Variants in ZNF99 observed in about 807,000 individuals in gnomAD.
ZNF99 encodes the protein zinc finger protein ENSP00000375192.
Under a neutral mutation model 12.8 loss-of-function variants are expected in ZNF99, and 8 were observed. The ratio of observed to expected loss-of-function variants is 0.62; its 90% CI spans 0.37 to 1.13. ZNF99 has a LOEUF of 1.13. ZNF99 is among the 50% of genes most tolerant of loss of function. ZNF99 has a pLI of 0.02. For synonymous variants in ZNF99, 318 were observed against 319.0 expected, an observed-to-expected ratio of 1.00 and a Z score of 0.03; for missense variants, 1,007 against 1,006.2, an observed-to-expected ratio of 1.00 and a Z score of -0.01.
At chr19:22,769,799 C>G in intron 1 of ZNF99, 5 of 1,129,574 alleles carry the variant, frequency 4.4e-6, no homozygotes, top group Non-Finnish European at 5.7e-6. Flanking sequence ...AAGAAATATT[C>G]TCTAATGTAT....
At position 22,766,282 on chromosome 19, in the gene ZNF99, T is replaced by TAAA. The variant is rs35026292; in HGVS notation, c.226+2020_226+2022dup. Among the ~76,000 whole-genome samples, 217 of 131,328 alleles carry TAAA rather than the reference T, an allele frequency of 1.7e-3. 2 individuals carry two copies. Among genetic ancestry groups the TAAA allele is most frequent in the African/African-American group, 5.6e-3 (202 of 35,838 alleles). 86.2% of individuals were successfully genotyped at this position (131,328 alleles called of 152,430 possible). A position where few individuals can be genotyped will look rare whatever the true frequency, so the allele number is the denominator to read the frequency against. ...TAAACAAGAAATGAGACAAAATATG[T>TAAA]AAAAAAAAAAAAAACATAAAACATA... On this transcript the variant is annotated intron_variant, in intron 3 of 3. Coordinates refer to ENST00000596209, the MANE Select transcript of ZNF99 (RefSeq NM_001080409.3).
At position 22,758,688 on chromosome 19, in the gene ZNF99, C is replaced by T. The variant is rs756976562; in HGVS notation, c.1221G>A (p.Lys407=). The T allele has an allele frequency of 1.2e-6, 2 of 1,611,914 alleles. No homozygotes were observed. The highest frequency in any genetic ancestry group is 3.3e-5 in the Admixed American group (2 of 59,888). ...TATGTACAGTAAGTTTTGAGGACCA[C>T]TTAAAAGCTTTACCACATTCTTCAC... ...YKCEECGKAF[K]WSSKLTVHKV... Residue 407 remains lysine (K), a synonymous_variant, in exon 4 of 4, where the codon AAG becomes AAA. Coordinates refer to ENST00000596209, the MANE Select transcript of ZNF99 (RefSeq NM_001080409.3).
chr19:22,781,072 A>T (rs181123515), intron 1 of ZNF99, among the ~76,000 whole-genome samples: 49 of 152,366 alleles, frequency 3.2e-4, no homozygotes, highest in Admixed American at 5.9e-4. Context: ...AATTTTTAAC[A>T]AATGGAATAT....
chr19:22,757,445 A>G lies in ZNF99; in HGVS notation c.2464T>C (p.Cys822Arg). Residue 822 changes from cysteine to arginine, a missense_variant, in exon 4 of 4, where the codon TGT becomes CGT. Coordinates refer to ENST00000596209, the MANE Select transcript of ZNF99 (RefSeq NM_001080409.3). ...TGEKSYKCEECGKAFQWSSKL... is the reference protein window; with the variant it reads ...TGEKSYKCEERGKAFQWSSKL... The stretch of plus-strand genomic sequence containing the variant: ...GAGGACCACTGAAAAGCTTTACCAC[A>G]TTCTTCACATTTGTAGGATTTCTCT... 6.2e-7 allele frequency: 1 copy of G among 1,610,146 alleles called. No homozygotes were observed. The highest frequency in any genetic ancestry group is 1.1e-5 in the South Asian group (1 of 91,028).
chr19:22,768,381 T>C lies in ZNF99; in HGVS notation c.150A>G (p.Leu50=). 1 of 1,612,322 alleles carries C rather than the reference T, an allele frequency of 6.2e-7. No individual in the cohort carries two copies. Among genetic ancestry groups the C allele is most frequent in the Non-Finnish European group, 8.5e-7 (1 of 1,179,476 alleles). The change falls in exon 3 of 4, where the codon CTA becomes CTG. Residue 50 remains leucine (L), a synonymous_variant. Transcript: ENST00000596209. Reference sequence around the variant, plus strand: ...CTTGCTTCAGACAAGTTATCAAGTCTAGCTTAGAGACAGCGATACCTGTTT... The same window carrying C: ...CTTGCTTCAGACAAGTTATCAAGTCCAGCTTAGAGACAGCGATACCTGTTT... The part of the protein sequence containing the change: ...LVFLGIAVSK[L]DLITCLKQGK...
chr19:22,778,037 T>C (rs1973348360), intron 1 of ZNF99, among the ~76,000 whole-genome samples: 1 of 132,318 alleles, frequency 7.6e-6, no homozygotes, highest in African/African-American at 2.8e-5. Context: ...GGGGGAGGGA[T>C]AGCATTAGGA....
rs1274127856 is a variant in ZNF99, at chr19:22,758,418, A to G, written c.1491T>C (p.Thr497=). 3 of 1,603,936 alleles carry G rather than the reference A, an allele frequency of 1.9e-6. No individual in the cohort carries two copies. The highest frequency in any genetic ancestry group is 2.6e-6 in the Non-Finnish European group (3 of 1,173,676). ...GKAFKWSSKL[T]VHKVIHMEEK... ...CTTCCATATGAATTACCTTATGTAC[A>G]GTAAGTTTTGAGGACCACTTAAAAG... Residue 497 remains threonine (T), a synonymous_variant, in exon 4 of 4, where the codon ACT becomes ACC. Coordinates refer to ENST00000596209, the MANE Select transcript of ZNF99 (RefSeq NM_001080409.3).
rs370666035 is a variant in ZNF99 at position 22,768,304 on chromosome 19, C to T, written c.226+1G>A. 4.3e-6 allele frequency: 7 copies of T among 1,613,680 alleles called. No individual in the cohort carries two copies. In the African/African-American group the frequency reaches 6.7e-5, roughly 15 times the overall value. ...TGTTTCTTGTATTCACTCTCACATA[C>T]CTGGGGGTTTAGTTACCATCTCATG... On this transcript the variant is annotated splice_donor_variant, in intron 3 of 3. Coordinates refer to ENST00000596209, the MANE Select transcript of ZNF99 (RefSeq NM_001080409.3). LOFTEE classifies it high-confidence loss of function.
chr19:22,772,695 C>T (rs1973286179), intron 1 of ZNF99, among the ~76,000 whole-genome samples: 1 of 150,826 alleles, frequency 6.6e-6, no homozygotes, highest in Middle Eastern at 3.5e-3. Flanking sequence ...AAAAAAAAGA[C>T]AGAGAGAAAG....
chr19:22,753,768 C>T lies in ZNF99; in HGVS notation c.*3546G>A, dbSNP rs111648955. ...TGTGAGCAGATATTAATGGCTTTTC[C>T]ACATTCTTCATAGGTGTACATTTTT... is the stretch of plus-strand genomic sequence containing the variant. On this transcript the variant is annotated 3_prime_UTR_variant, in exon 4 of 4. Transcript: ENST00000596209. 5.5e-6 allele frequency: 1 copy of T among 182,006 alleles called. No individual in the cohort carries two copies. The highest frequency in any genetic ancestry group is 1.2e-5 in the Non-Finnish European group (1 of 85,956). 11.3% of individuals were successfully genotyped at this position (182,006 alleles called of 1,614,324 possible).
At chr19:22,767,887 A>G (rs1973222071) in intron 3 of ZNF99, among the ~76,000 whole-genome samples, 2 of 152,190 alleles carry the variant, frequency 1.3e-5, no homozygotes, top group African/African-American at 4.8e-5. Context: ...CAGGAAGCTT[A>G]TGATCATAGT....
intron 1 of ZNF99, among the ~76,000 whole-genome samples, chr19:22,770,174 C>T (rs749234278): frequency 6.6e-6 from 1 of 152,124 alleles, no homozygotes; most frequent in Admixed American, 6.5e-5. Flanking sequence ...CTGTATTTTT[C>T]CCAGTTTTTC....
Position 22,759,171 on chromosome 19 carries a change from T to C in ZNF99, c.738A>G (p.Lys246=), listed in dbSNP as rs1973120602. The change falls in exon 4 of 4, where the codon AAA becomes AAG. Residue 246 remains lysine (K), a synonymous_variant. Coordinates refer to ENST00000596209, the MANE Select transcript of ZNF99 (RefSeq NM_001080409.3). ...KAFNISSMFT[K]CKIIHTGKKP... is the part of the protein sequence containing the mutation. ...TCTTTCCAGTATGAATTATCTTACA[T>C]TTAGTGAACATTGAAGAGATGTTAA... The C allele has an allele frequency of 1.3e-6, 2 of 1,599,572 alleles. No homozygotes were observed. The highest frequency in any genetic ancestry group is 1.1e-5 in the South Asian group (1 of 90,096).
chr19:22,753,083 AG>A lies in ZNF99; in HGVS notation c.*4230del, dbSNP rs1972991955. On this transcript the variant is annotated 3_prime_UTR_variant, in exon 4 of 4. Transcript: ENST00000596209. ...GCATGCTTTCACATGTAAATAAAGT[AG>A]GAATGAAGAGCATGAAGTAACTTGA... 6.6e-6 allele frequency: 1 copy of A among 152,136 alleles called. No individual in the cohort carries two copies. The highest frequency in any genetic ancestry group is 6.5e-5 in the Admixed American group (1 of 15,276). 9.4% of individuals were successfully genotyped at this position (152,136 alleles called of 1,614,324 possible).
chr19:22,783,888 G>A, intron 1 of ZNF99, 126 bp downstream of exon 1: 1 of 1,280,920 alleles, frequency 7.8e-7, no homozygotes, highest in Non-Finnish European at 1.1e-6. Flanking sequence ...AGGCCGAGCT[G>A]GGCAAGAGCT....
At position 22,754,384 on chromosome 19, in the gene ZNF99, T is replaced by C. The variant is rs1208263853; in HGVS notation, c.*2930A>G. The C allele has an allele frequency of 4.9e-6, 2 of 411,018 alleles. No homozygotes were observed. The highest frequency in any genetic ancestry group is 9.5e-6 in the Non-Finnish European group (2 of 210,944). 25.5% of individuals were successfully genotyped at this position (411,018 alleles called of 1,614,324 possible). ...TCCATTTCAAAAAAAAAAAAAAAAC[T>C]TTGCCACATTCTTCACATTTGTAGA... On this transcript the variant is annotated 3_prime_UTR_variant, in exon 4 of 4. Coordinates refer to ENST00000596209, the MANE Select transcript of ZNF99 (RefSeq NM_001080409.3).
chr19:22,781,158 C>T (rs370656442), intron 1 of ZNF99, among the ~76,000 whole-genome samples: 1 of 151,928 alleles, frequency 6.6e-6, no homozygotes, highest in East Asian at 1.9e-4. Context: ...CCTTTCAATC[C>T]CTACTAACAA....
rs879047559 is a variant in ZNF99 at position 22,758,939 on chromosome 19, G to C, written c.970C>G (p.His324Asp). ...TGATGTTTTCTAAGGGCTGAGAAATGGTTAAAAGCTTTGCCACATTCTTCG... is the reference window on the plus strand; with the variant it reads ...TGATGTTTTCTAAGGGCTGAGAAATCGTTAAAAGCTTTGCCACATTCTTCG... ...KCEECGKAFN[H>D]FSALRKHQII... The change falls in exon 4 of 4, where the codon CAT becomes GAT. Residue 324 changes from histidine (H) to aspartate (D), a missense_variant. Physicochemically the swap from His to Asp is moderately conservative, Grantham distance 81 (BLOSUM62 -1). Coordinates refer to ENST00000596209, the MANE Select transcript of ZNF99 (RefSeq NM_001080409.3). The C allele has an allele frequency of 2.0e-5, 32 of 1,612,408 alleles. No homozygotes were observed. The highest frequency in any genetic ancestry group is 2.6e-5 in the Non-Finnish European group (31 of 1,179,542).
chr19:22,757,411 G>C lies in ZNF99; in HGVS notation c.2498C>G (p.Thr833Ser), dbSNP rs764924500. 10 of 1,605,582 alleles carry C rather than the reference G, an allele frequency of 6.2e-6. No homozygotes were observed. The highest frequency in any genetic ancestry group is 8.5e-6 in the Non-Finnish European group (10 of 1,178,252). The change falls in exon 4 of 4, where the codon ACT becomes AGT. Residue 833 changes from threonine to serine, a missense_variant. Coordinates refer to ENST00000596209, the MANE Select transcript of ZNF99 (RefSeq NM_001080409.3). The part of the protein sequence containing the change: ...GKAFQWSSKL[T>S]LHKVIHMERN... ...CTCCATATGAATTACCTTATGTAAA[G>C]TAAGTTTTGAGGACCACTGAAAAGC...
Sources: allele counts gnomAD v4.1 joint callset (sites outside exome capture counted in the v4.1 genomes callset), GRCh38; gene constraint gnomAD v4.1.1; transcripts MANE v1.5; gene names NCBI Gene and HGNC (gene_info 2026-07-23, HGNC 2026-07-21).